Variants in RAB27B observed in about 807,000 individuals in gnomAD.
The protein encoded by RAB27B is RAB27B, member RAS oncogene family.
In RAB27B, 15 loss-of-function variants were observed where a neutral mutation model predicts 24.6. The observed-to-expected ratio is 0.61, with a 90% CI of 0.41 to 0.94. The LOEUF (loss-of-function observed/expected upper bound fraction) is 0.94, where lower values mean the gene tolerates loss of function less well. Among genes scored for constraint, RAB27B ranks in the 40% least tolerant of loss-of-function variants. RAB27B has a pLI of 0.00. For missense variants in RAB27B, 261 were observed against 266.8 expected (o/e 0.98, Z 0.15); for synonymous variants, 105 against 92.5 (o/e 1.14, Z -0.78).
intron 2 of RAB27B, among the ~76,000 whole-genome samples, chr18:54,815,528 C>T (rs1167294187): frequency 1.3e-5 from 2 of 152,162 alleles, no homozygotes; most frequent in Admixed American, 1.3e-4. Flanking sequence ...AATCTGTGTA[C>T]CTGAGAATAG....
intron 2 of RAB27B, among the ~76,000 whole-genome samples, chr18:54,729,769 A>G (rs67489782): frequency 0.63 from 95,260 of 152,024 alleles, 30,938 homozygotes; most frequent in Non-Finnish European, 0.73. Flanking sequence ...ACATGATACT[A>G]TAAGTGAATT....
chr18:54,720,754 T>C (rs1909334907), intron 2 of RAB27B, among the ~76,000 whole-genome samples: 1 of 152,060 alleles, frequency 6.6e-6, no homozygotes, highest in Non-Finnish European at 1.5e-5. Flanking sequence ...GGAGACAGTG[T>C]TTACTGAATG....
chr18:54,775,219 G>A (rs1018431066), intron 2 of RAB27B, among the ~76,000 whole-genome samples: 2 of 152,150 alleles, frequency 1.3e-5, no homozygotes, highest in East Asian at 1.9e-4. Context: ...CTCTGAAATC[G>A]TGTAAGGCCC....
chr18:54,841,356 T>C (rs1408656753), intron 1 of RAB27B, among the ~76,000 whole-genome samples: 1 of 152,220 alleles, frequency 6.6e-6, no homozygotes, highest in East Asian at 1.9e-4. Flanking sequence ...ACTAGTTACA[T>C]AGCATTTACA....
intron 1 of RAB27B, among the ~76,000 whole-genome samples, chr18:54,862,852 A>G (rs1353849130): frequency 6.6e-6 from 1 of 152,224 alleles, no homozygotes; most frequent in East Asian, 1.9e-4. Context: ...TGCACAGAAG[A>G]TTGGCTGTTG....
chr18:54,720,701 GA>G (rs1473451910), intron 2 of RAB27B, among the ~76,000 whole-genome samples: 6 of 152,036 alleles, frequency 3.9e-5, no homozygotes, highest in Non-Finnish European at 8.8e-5. Context: ...AGAAACCACA[GA>G]AAAATGCAAT....
upstream of RAB27B, among the ~76,000 whole-genome samples, chr18:54,825,187 AT>A (rs1292146231): frequency 2.0e-5 from 3 of 151,900 alleles, no homozygotes; most frequent in Non-Finnish European, 4.4e-5. Context: ...ATCCAATGCA[AT>A]TTTTTTTCCT....
At chr18:54,766,356 G>A (rs932282999) in intron 2 of RAB27B, among the ~76,000 whole-genome samples, 3 of 152,172 alleles carry the variant, frequency 2.0e-5, no homozygotes, top group African/African-American at 7.2e-5. Context: ...AAGCAGGCAG[G>A]CATATGCAAA....
chr18:54,894,189 A>G lies in RAB27B; in HGVS notation c.*4776A>G, dbSNP rs566650922. The G allele has an allele frequency of 4.6e-5, 7 of 152,082 alleles. No homozygotes were observed. Among genetic ancestry groups the G allele is most frequent in the Admixed American group, 2.0e-4 (3 of 15,260 alleles). The allele number at this position is 152,082 out of a possible 1,614,324, so 9.4% of individuals were successfully genotyped here. ...GTTGAGATGTTTTCTCATTTCCTGTAGAGAGAGAATACCACTAACAAACAA... is the reference window on the plus strand; with the variant it reads ...GTTGAGATGTTTTCTCATTTCCTGTGGAGAGAGAATACCACTAACAAACAA... On this transcript the variant is annotated 3_prime_UTR_variant, in exon 6 of 6. Transcript: ENST00000262094.
At chr18:54,853,197 T>C (rs1374389326) in intron 1 of RAB27B, among the ~76,000 whole-genome samples, 1 of 152,154 alleles carries the variant, frequency 6.6e-6, no homozygotes, top group African/African-American at 2.4e-5. Context: ...TCCGAGTAAC[T>C]TGGCAATGTG....
intron 2 of RAB27B, among the ~76,000 whole-genome samples, chr18:54,782,907 GT>G (rs1908959852): frequency 6.6e-6 from 1 of 152,028 alleles, no homozygotes. Context: ...TGACACAATG[GT>G]GGGGTCATTA....
At chr18:54,852,347 A>G (rs999886450) in intron 1 of RAB27B, among the ~76,000 whole-genome samples, 1 of 152,318 alleles carries the variant, frequency 6.6e-6, no homozygotes, top group Admixed American at 6.5e-5. Context: ...GAGAGGAGCT[A>G]GGATTCAAAC....
chr18:54,826,835 T>C (rs189714137), upstream of RAB27B, among the ~76,000 whole-genome samples: 5 of 152,304 alleles, frequency 3.3e-5, no homozygotes, highest in Non-Finnish European at 7.4e-5. Context: ...ACAATAAATA[T>C]AATAGACGCC....
intron 2 of RAB27B, among the ~76,000 whole-genome samples, chr18:54,818,556 A>T (rs945544078): frequency 6.6e-6 from 1 of 152,114 alleles, no homozygotes; most frequent in Non-Finnish European, 1.5e-5. Context: ...TAGAGCCATA[A>T]GCAAAGGCAT....
At chr18:54,723,633 C>CATAG (rs140976362) in intron 2 of RAB27B, among the ~76,000 whole-genome samples, 86 of 151,902 alleles carry the variant, frequency 5.7e-4, no homozygotes, top group Middle Eastern at 3.4e-3. Context: ...ATTAGATAGA[C>CATAG]ATAGATAGAT....
At chr18:54,841,726 G>A (rs1209897558) in intron 1 of RAB27B, among the ~76,000 whole-genome samples, 2 of 152,162 alleles carry the variant, frequency 1.3e-5, no homozygotes, top group African/African-American at 4.8e-5. Context: ...TAAACTAAAT[G>A]GCCAAAGTCA....
At chr18:54,781,280 T>C (rs1908909112) in intron 2 of RAB27B, among the ~76,000 whole-genome samples, 1 of 152,024 alleles carries the variant, frequency 6.6e-6, no homozygotes, top group African/African-American at 2.4e-5. Context: ...CTGCTTGGGT[T>C]CTTAGTGTCG....
At chr18:54,765,049 A>G (rs1908315704) in intron 2 of RAB27B, among the ~76,000 whole-genome samples, 1 of 152,136 alleles carries the variant, frequency 6.6e-6, no homozygotes, top group Admixed American at 6.6e-5. Flanking sequence ...GCAGGTTGCA[A>G]GATGCTAGGG....
At chr18:54,855,690 C>T (rs943300716) in intron 1 of RAB27B, among the ~76,000 whole-genome samples, 6 of 152,178 alleles carry the variant, frequency 3.9e-5, no homozygotes, top group Non-Finnish European at 5.9e-5. Flanking sequence ...GTCTTAAATG[C>T]AGCTATTGAT....
Sources: allele counts gnomAD v4.1 joint callset (sites outside exome capture counted in the v4.1 genomes callset), GRCh38; gene constraint gnomAD v4.1.1; transcripts MANE v1.5; gene names NCBI Gene and HGNC (gene_info 2026-07-23, HGNC 2026-07-21).